Variants in ST8SIA6 observed in about 807,000 individuals in gnomAD.
The protein encoded by ST8SIA6 is alpha-2,8-sialyltransferase 8F.
A neutral mutation model predicts 33.6 loss-of-function variants in ST8SIA6; 39 were observed. The ratio of observed to expected loss-of-function variants is 1.16; its 90% CI spans 0.90 to 1.52. The LOEUF (loss-of-function observed/expected upper bound fraction) is 1.52. Among genes scored for constraint, ST8SIA6 ranks in the 40% most tolerant of loss-of-function variants. The pLI is 0.00. For missense variants in ST8SIA6, 441 were observed against 443.8 expected (o/e 0.99, Z 0.06); for synonymous variants, 172 against 167.2 (o/e 1.03, Z -0.22).
chr10:17,342,771 AG>A (rs1181864150), intron 4 of ST8SIA6, among the ~76,000 whole-genome samples: 4 of 152,052 alleles, frequency 2.6e-5, no homozygotes, highest in African/African-American at 7.2e-5. Context: ...CAACATGGTG[AG>A]ACCCCCTCTC....
intron 4 of ST8SIA6, among the ~76,000 whole-genome samples, chr10:17,352,161 A>G (rs1483878631): frequency 6.6e-6 from 1 of 152,194 alleles, no homozygotes; most frequent in African/African-American, 2.4e-5. Flanking sequence ...AATAGATACA[A>G]TATTCATCAA....
At chr10:17,332,674 G>C (rs1848337973) in intron 4 of ST8SIA6, among the ~76,000 whole-genome samples, 1 of 152,066 alleles carries the variant, frequency 6.6e-6, no homozygotes, top group East Asian at 1.9e-4. Flanking sequence ...TGGCCAGGCT[G>C]GTCTCGAACT....
intron 2 of ST8SIA6, among the ~76,000 whole-genome samples, chr10:17,432,173 T>C (rs1405310112): frequency 6.6e-6 from 1 of 152,078 alleles, no homozygotes; most frequent in Non-Finnish European, 1.5e-5. Context: ...AGTGAGCAAG[T>C]AGAATTGAAA....
chr10:17,344,856 C>G (rs905047040), intron 4 of ST8SIA6, among the ~76,000 whole-genome samples: 1 of 152,100 alleles, frequency 6.6e-6, no homozygotes, highest in Admixed American at 6.5e-5. Flanking sequence ...AAATCCATGC[C>G]CAGGCAACAG....
At chr10:17,351,443 T>C (rs1849026535) in intron 4 of ST8SIA6, among the ~76,000 whole-genome samples, 2 of 149,486 alleles carry the variant, frequency 1.3e-5, no homozygotes, top group Non-Finnish European at 3.0e-5. Context: ...CCAGGACATC[T>C]ATATTTAACC....
At chr10:17,443,930 G>A (rs535231920) in intron 2 of ST8SIA6, among the ~76,000 whole-genome samples, 1 of 152,328 alleles carries the variant, frequency 6.6e-6, no homozygotes, top group Admixed American at 6.5e-5. Flanking sequence ...CAGAACAGCT[G>A]AAGACTACTG....
At chr10:17,343,061 C>T (rs796187947) in intron 4 of ST8SIA6, among the ~76,000 whole-genome samples, 2 of 152,304 alleles carry the variant, frequency 1.3e-5, no homozygotes, top group African/African-American at 2.4e-5. Flanking sequence ...TCATTCCTTT[C>T]GCAAATATTC....
intron 2 of ST8SIA6, among the ~76,000 whole-genome samples, chr10:17,401,335 C>T (rs1055659671): frequency 1.5e-4 from 23 of 152,120 alleles, no homozygotes; most frequent in African/African-American, 3.9e-4. Context: ...GAATCAATAT[C>T]GTGAAAATGG....
rs142778901 is a variant in ST8SIA6, at chr10:17,380,820, C to CAT, written c.290+9710_290+9711insAT. 5.5e-3 allele frequency among the ~76,000 whole-genome samples: 764 copies of CAT among 139,128 alleles called. 37 individuals carry two copies. The highest frequency in any genetic ancestry group is 8.9e-3 in the South Asian group (39 of 4,358). The allele number at this position is 139,128 out of a possible 152,430, so 91.3% of individuals were successfully genotyped here. On this transcript the variant is annotated intron_variant, in intron 3 of 7. Transcript: ENST00000377602. Reference sequence around the variant, plus strand: ...ACATGTTTGTGTGAATGTATGTGTACGTTTGTGTGTTTGTATGTGTACGTT... The same window carrying CAT: ...ACATGTTTGTGTGAATGTATGTGTACATGTTTGTGTGTTTGTATGTGTACGTT...
intron 2 of ST8SIA6, among the ~76,000 whole-genome samples, chr10:17,432,847 G>A (rs1010908611): frequency 1.1e-4 from 16 of 152,172 alleles, no homozygotes; most frequent in African/African-American, 3.6e-4. Flanking sequence ...ATACTTCAAC[G>A]ACTCATAGAC....
At chr10:17,348,170 A>T (rs1218128355) in intron 4 of ST8SIA6, among the ~76,000 whole-genome samples, 2 of 151,246 alleles carry the variant, frequency 1.3e-5, no homozygotes, top group Admixed American at 6.6e-5. Flanking sequence ...CGGATTATAA[A>T]CTTTTATTCA....
At chr10:17,333,039 C>T (rs556124388) in intron 4 of ST8SIA6, among the ~76,000 whole-genome samples, 27 of 152,194 alleles carry the variant, frequency 1.8e-4, no homozygotes, top group African/African-American at 6.3e-4. Flanking sequence ...TTTTGCTGTG[C>T]AGAAGCTCTT....
At chr10:17,393,029 C>T (rs1850673673) in intron 2 of ST8SIA6, among the ~76,000 whole-genome samples, 1 of 152,294 alleles carries the variant, frequency 6.6e-6, no homozygotes, top group Non-Finnish European at 1.5e-5. Context: ...TGTGGGTGGG[C>T]AGCATCCAAT....
chr10:17,410,945 C>A (rs1343403248), intron 2 of ST8SIA6, among the ~76,000 whole-genome samples: 2 of 152,128 alleles, frequency 1.3e-5, no homozygotes, highest in African/African-American at 4.8e-5. Flanking sequence ...CTTAGGTAAA[C>A]TGTAATTAGG....
chr10:17,387,442 TGGGGC>T (rs1444377226), intron 3 of ST8SIA6, among the ~76,000 whole-genome samples: 1,272 of 5,598 alleles, frequency 0.23, 18 homozygotes, highest in South Asian at 0.45. Context: ...GTCGGGGCGG[TGGGGC>T]GGGGGGGGGG....
chr10:17,434,048 G>T (rs1237295166), intron 2 of ST8SIA6, among the ~76,000 whole-genome samples: 1 of 152,116 alleles, frequency 6.6e-6, no homozygotes, highest in African/African-American at 2.4e-5. Context: ...ACTTGTACCT[G>T]TTTAGCCTCC....
At chr10:17,449,869 A>C (rs779786013) in intron 2 of ST8SIA6, among the ~76,000 whole-genome samples, 2 of 152,198 alleles carry the variant, frequency 1.3e-5, no homozygotes, top group Non-Finnish European at 2.9e-5. Flanking sequence ...AAAGCTAGTG[A>C]CAAGAGTAAT....
chr10:17,351,339 C>T (rs959223523), intron 4 of ST8SIA6, among the ~76,000 whole-genome samples: 2 of 151,394 alleles, frequency 1.3e-5, no homozygotes, highest in African/African-American at 2.4e-5. Flanking sequence ...CATCTCAATT[C>T]TCTGAACCTC....
At chr10:17,376,986 A>G (rs188707151) in intron 3 of ST8SIA6, among the ~76,000 whole-genome samples, 6 of 152,344 alleles carry the variant, frequency 3.9e-5, no homozygotes. Flanking sequence ...GCCCAAGCTA[A>G]GCCATCATAT....
Sources: allele counts gnomAD v4.1 joint callset (sites outside exome capture counted in the v4.1 genomes callset), GRCh38; gene constraint gnomAD v4.1.1; transcripts MANE v1.5; gene names NCBI Gene and HGNC (gene_info 2026-07-23, HGNC 2026-07-21).